The following SORCS2 variants were observed in gnomAD, a reference collection of about 807,000 sequenced individuals.
SORCS2 encodes the protein sortilin related VPS10 domain containing receptor 2, also known as VPS10 domain-containing receptor SorCS2.
Under a neutral mutation model 141.6 loss-of-function variants are expected in SORCS2, and 100 were observed. The observed-to-expected ratio is 0.71, with a 90% CI of 0.60 to 0.83. SORCS2 has a LOEUF of 0.83. Among genes scored for constraint, SORCS2 ranks in the 40% least tolerant of loss-of-function variants. The pLI is 0.00. For synonymous variants in SORCS2, 789 were observed against 676.9 expected (o/e 1.17, Z -2.57); for missense variants, 1,646 against 1,560.2 (o/e 1.05, Z -0.93).
At chr4:7,290,339 C>T (rs796201754) in intron 1 of SORCS2, among the ~76,000 whole-genome samples, 54 of 152,296 alleles carry the variant, frequency 3.5e-4, no homozygotes, top group African/African-American at 1.2e-3. Context: ...TATCTGTAAC[C>T]TTAACTTCAG....
At chr4:7,471,574 C>T (rs902546592) in intron 2 of SORCS2, among the ~76,000 whole-genome samples, 1 of 152,234 alleles carries the variant, frequency 6.6e-6, no homozygotes, top group African/African-American at 2.4e-5. Flanking sequence ...GCTCGCCGCC[C>T]CTACCCCGTT....
At chr4:7,468,846 C>G (rs1317416270) in intron 2 of SORCS2, among the ~76,000 whole-genome samples, 3 of 152,324 alleles carry the variant, frequency 2.0e-5, no homozygotes, top group Non-Finnish European at 4.4e-5. Context: ...CTTCCCCTTC[C>G]TATCCAAAAC....
At chr4:7,478,408 G>A (rs527656040) in intron 2 of SORCS2, among the ~76,000 whole-genome samples, 30 of 151,446 alleles carry the variant, frequency 2.0e-4, no homozygotes, top group Admixed American at 1.4e-3. Flanking sequence ...AAAGAGTACC[G>A]CCACCCCCAC....
At chr4:7,536,474 T>A (rs550512247) in intron 3 of SORCS2, among the ~76,000 whole-genome samples, 4 of 152,290 alleles carry the variant, frequency 2.6e-5, no homozygotes, top group African/African-American at 9.6e-5. Flanking sequence ...GAGAAGCTGG[T>A]TAAGGCAGAA....
intron 3 of SORCS2, among the ~76,000 whole-genome samples, chr4:7,597,151 T>A (rs1717322580): frequency 7.1e-6 from 1 of 141,308 alleles, no homozygotes; most frequent in African/African-American, 2.7e-5. Context: ...GACTATCCAA[T>A]AGGGGAGGGG....
At position 7,723,701 on chromosome 4, in the gene SORCS2, A is replaced by G; in HGVS notation, c.2429A>G (p.Asp810Gly). 3 of 1,613,932 alleles carry G rather than the reference A, an allele frequency of 1.9e-6. No individual in the cohort carries two copies. The highest frequency in any genetic ancestry group is 2.5e-6 in the Non-Finnish European group (3 of 1,179,868). Residue 810 changes from aspartate to glycine, a missense_variant, in exon 19 of 27, where the codon GAT (aspartate) becomes GGT (glycine). Transcript: ENST00000507866. ...CCACATGGTGTTTCTCTGCAGGGTG[A>G]TGTCCTGACTACCAAGTACCAGGTA... ...VLFVVRQEQG[D>G]VLTTKYQVDL...
Position 7,486,374 on chromosome 4 carries a change from C to T in SORCS2, c.549-45156C>T, listed in dbSNP as rs567440766. Among the ~76,000 whole-genome samples, 7 of 40,048 alleles carry T rather than the reference C, an allele frequency of 1.7e-4. No homozygotes were observed. In the South Asian group the frequency reaches 4.4e-3, roughly 25 times the overall value. 26.3% of individuals were successfully genotyped at this position (40,048 alleles called of 152,430 possible). A position where few individuals can be genotyped will look rare whatever the true frequency, so the allele number is the denominator to read the frequency against. ...CCAGGTGGACAGATGGAGGGGTCTT[C>T]CAGCCTCCACCACACACGGGGCAGG... On this transcript the variant is annotated intron_variant, in intron 2 of 26. Coordinates refer to ENST00000507866, the MANE Select transcript of SORCS2 (RefSeq NM_020777.3).
chr4:7,440,631 G>C (rs1289951957), intron 2 of SORCS2, among the ~76,000 whole-genome samples: 1 of 152,218 alleles, frequency 6.6e-6, no homozygotes, highest in African/African-American at 2.4e-5. Context: ...GGCCTAGACA[G>C]CACCATCTTA....
At chr4:7,502,369 G>A (rs1732024932) in intron 2 of SORCS2, among the ~76,000 whole-genome samples, 1 of 152,206 alleles carries the variant, frequency 6.6e-6, no homozygotes, top group African/African-American at 2.4e-5. Flanking sequence ...GGGGCTGATT[G>A]ATGATTCTTC....
chr4:7,382,883 G>A (rs1318703430), intron 1 of SORCS2, among the ~76,000 whole-genome samples: 2 of 152,046 alleles, frequency 1.3e-5, no homozygotes, highest in East Asian at 3.9e-4. Flanking sequence ...CAACATCAAC[G>A]GACCCACACA....
In SORCS2 at chr4:7,227,766, C is replaced by A. The variant is rs74370621; in HGVS notation, c.480+34640C>A. 6.8e-4 allele frequency among the ~76,000 whole-genome samples: 104 copies of A among 152,346 alleles called. 1 individual carries two copies. In the South Asian group the frequency reaches 0.01, roughly 15 times the overall value. ...AGCAGTGAAACCAAACCCTCTGGGT[C>A]CTCAGGCAGAGCGGCTAAACGCAGT... On this transcript the variant is annotated intron_variant, in intron 1 of 26. Transcript: ENST00000507866.
chr4:7,348,025 G>T lies in SORCS2; in HGVS notation c.481-48263G>T, dbSNP rs374103350. 1.2e-4 allele frequency among the ~76,000 whole-genome samples: 18 copies of T among 152,358 alleles called. 1 individual carries two copies. In the East Asian group the frequency reaches 2.9e-3, roughly 24 times the overall value. Reference sequence around the variant, plus strand: ...AGGCACAGGCAACCACAATTTTGATGAACGGAAGTGAGAATGATTTCTGAG... The same window carrying T: ...AGGCACAGGCAACCACAATTTTGATTAACGGAAGTGAGAATGATTTCTGAG... On this transcript the variant is annotated intron_variant, in intron 1 of 26. Transcript: ENST00000507866.
chr4:7,452,361 C>T (rs1728516387), intron 2 of SORCS2, among the ~76,000 whole-genome samples: 1 of 152,198 alleles, frequency 6.6e-6, no homozygotes, highest in Admixed American at 6.5e-5. Context: ...AGGCTGGTCT[C>T]TAACTCCTGA....
intron 2 of SORCS2, among the ~76,000 whole-genome samples, chr4:7,515,643 G>T (rs549302344): frequency 1.3e-5 from 2 of 152,146 alleles, no homozygotes; most frequent in Non-Finnish European, 2.9e-5. Context: ...CCCTGCAGAC[G>T]TAAGCCTTTG....
Position 7,726,911 on chromosome 4 carries a change from C to G in SORCS2, c.2869+8C>G. On this transcript the variant is annotated splice_region_variant and intron_variant, in intron 21 of 26. Coordinates refer to ENST00000507866, the MANE Select transcript of SORCS2 (RefSeq NM_020777.3). ...GGGTCCTCCGTGTGCTGGGTAAGTACTTCCTGGGGTCTGGCAGCACGGCCT... is the reference window on the plus strand; with the variant it reads ...GGGTCCTCCGTGTGCTGGGTAAGTAGTTCCTGGGGTCTGGCAGCACGGCCT... The G allele has an allele frequency of 6.2e-7, 1 of 1,610,394 alleles. No individual in the cohort carries two copies. Among genetic ancestry groups the G allele is most frequent in the South Asian group, 1.1e-5 (1 of 90,864 alleles).
chr4:7,464,400 G>A (rs879463593), intron 2 of SORCS2, among the ~76,000 whole-genome samples: 16 of 152,200 alleles, frequency 1.1e-4, no homozygotes, highest in Admixed American at 1.0e-3. Context: ...TGAGGGAGGG[G>A]CTGTGGTCTA....
At chr4:7,645,776 G>T (rs1004251379) in intron 4 of SORCS2, among the ~76,000 whole-genome samples, 11 of 152,318 alleles carry the variant, frequency 7.2e-5, no homozygotes, top group East Asian at 1.9e-4. Context: ...AATATGAAAG[G>T]TGATGGCTTC....
intron 2 of SORCS2, chr4:7,434,444 G>T (rs773616212): frequency 6.2e-7 from 1 of 1,610,248 alleles, no homozygotes; most frequent in South Asian, 1.1e-5. Flanking sequence ...GTGGCCAGGT[G>T]CCTCTGCAGC....
intron 1 of SORCS2, among the ~76,000 whole-genome samples, chr4:7,251,255 C>G (rs1051810813): frequency 6.6e-6 from 1 of 152,194 alleles, no homozygotes; most frequent in Admixed American, 6.5e-5. Flanking sequence ...AGCTCTGCCT[C>G]TTTTCTTGCT....
Sources: allele counts gnomAD v4.1 joint callset (sites outside exome capture counted in the v4.1 genomes callset), GRCh38; gene constraint gnomAD v4.1.1; transcripts MANE v1.5; gene names NCBI Gene and HGNC (gene_info 2026-07-23, HGNC 2026-07-21).